ODAD2: variants seen among roughly 807,000 people sequenced by gnomAD.
ODAD2 encodes outer dynein arm docking complex subunit 2.
Under a neutral mutation model 106.8 loss-of-function variants are expected in ODAD2, and 89 were observed. That is an observed-to-expected ratio of 0.83 (90% confidence interval 0.70 to 0.99). ODAD2 has a LOEUF of 0.99. Among genes scored for constraint, ODAD2 ranks in the 50% least tolerant of loss-of-function variants. The pLI is 0.00. For synonymous variants in ODAD2, 404 were observed against 436.2 expected, an observed-to-expected ratio of 0.93 and a Z score of 0.92; for missense variants, 1,168 against 1,238.5, an observed-to-expected ratio of 0.94 and a Z score of 0.85.
intron 17 of ODAD2, among the ~76,000 whole-genome samples, chr10:27,869,816 T>C (rs1179228458): frequency 6.6e-6 from 1 of 152,104 alleles, no homozygotes; most frequent in Non-Finnish European, 1.5e-5. Flanking sequence ...ATTACAGGCA[T>C]GAGCCACCAT....
At chr10:27,989,033 T>C (rs1179363978) in intron 2 of ODAD2, among the ~76,000 whole-genome samples, 2 of 151,720 alleles carry the variant, frequency 1.3e-5, no homozygotes, top group African/African-American at 4.8e-5. Flanking sequence ...GAGTCATGAG[T>C]CAAGGAACAT....
Position 27,938,554 on chromosome 10 carries a change from A to G in ODAD2, c.2097+1343T>C, listed in dbSNP as rs529081248. Among the ~76,000 whole-genome samples, 5 of 151,676 alleles carry G rather than the reference A, an allele frequency of 3.3e-5. No homozygotes were observed. In the East Asian group the frequency reaches 7.8e-4, roughly 24 times the overall value. On this transcript the variant is annotated intron_variant, in intron 14 of 19. Coordinates refer to ENST00000305242, the MANE Select transcript of ODAD2 (RefSeq NM_018076.5). ...TTATGGCAGCCCTCCCTCACAACCT[A>G]ATACAATCCTCTACTGAAATGACTC...
At chr10:27,998,091 C>A (rs761174302) in intron 1 of ODAD2, among the ~76,000 whole-genome samples, 1 of 152,128 alleles carries the variant, frequency 6.6e-6, no homozygotes, top group African/African-American at 2.4e-5. Flanking sequence ...GTAATCACAT[C>A]GTTAACACTT....
In ODAD2 at chr10:27,836,439, C is replaced by T. The variant is rs191897454; in HGVS notation, c.3022-23814G>A. On this transcript the variant is annotated intron_variant, in intron 19 of 19. Transcript: ENST00000305242. Reference sequence around the variant, plus strand: ...AAAAAAGATTTATCAGTTTTCTAAACTTGATCAATGAGAGAGTTTGGGGAC... The same window carrying T: ...AAAAAAGATTTATCAGTTTTCTAAATTTGATCAATGAGAGAGTTTGGGGAC... Among the ~76,000 whole-genome samples, 164 of 152,240 alleles carry T rather than the reference C, an allele frequency of 1.1e-3. 3 individuals are homozygous for T. Among genetic ancestry groups the T allele is most frequent in the Non-Finnish European group, 1.2e-4 (8 of 68,026 alleles).
intron 9 of ODAD2, among the ~76,000 whole-genome samples, chr10:27,963,794 G>A (rs979347148): frequency 1.3e-4 from 18 of 136,740 alleles, no homozygotes; most frequent in South Asian, 5.1e-4. Flanking sequence ...ACCCTTTTTT[G>A]AAGTGAGTTT....
chr10:27,889,231 A>G (rs765615630), intron 17 of ODAD2, among the ~76,000 whole-genome samples: 4 of 152,206 alleles, frequency 2.6e-5, no homozygotes, highest in African/African-American at 4.8e-5. Flanking sequence ...AGTTGGACCC[A>G]ACCTTCTGAC....
At chr10:27,990,545 G>T (rs1850164472) in intron 2 of ODAD2, among the ~76,000 whole-genome samples, 1 of 152,180 alleles carries the variant, frequency 6.6e-6, no homozygotes, top group Non-Finnish European at 1.5e-5. Context: ...CTATAGCTAA[G>T]AAACTAGCAG....
chr10:27,881,149 A>G (rs1841679570), intron 17 of ODAD2, among the ~76,000 whole-genome samples: 1 of 152,210 alleles, frequency 6.6e-6, no homozygotes. Flanking sequence ...ATACAGCAAG[A>G]TGTCTGGTAT....
chr10:27,955,874 G>A (rs1051977470), intron 10 of ODAD2, among the ~76,000 whole-genome samples: 5 of 152,066 alleles, frequency 3.3e-5, no homozygotes, highest in African/African-American at 1.2e-4. Context: ...CTGCCAGGGA[G>A]GAGCTCTGGG....
At chr10:27,837,996 C>T (rs1158718225) in intron 19 of ODAD2, among the ~76,000 whole-genome samples, 1 of 151,560 alleles carries the variant, frequency 6.6e-6, no homozygotes, top group East Asian at 1.9e-4. Flanking sequence ...ACACAGAGAA[C>T]AAAGATCCTA....
At chr10:27,954,596 T>C (rs1847594031) in intron 10 of ODAD2, among the ~76,000 whole-genome samples, 1 of 152,250 alleles carries the variant, frequency 6.6e-6, no homozygotes, top group African/African-American at 2.4e-5. Flanking sequence ...TAAGTTGATG[T>C]GGTAGCATAG....
At chr10:27,822,766 T>C (rs768101717) in intron 19 of ODAD2, among the ~76,000 whole-genome samples, 2 of 152,184 alleles carry the variant, frequency 1.3e-5, no homozygotes, top group Non-Finnish European at 2.9e-5. Context: ...CTTGCCTTTA[T>C]TGGTGTCTGT....
At chr10:27,998,462 A>G (rs1850686448) in intron 1 of ODAD2, among the ~76,000 whole-genome samples, 1 of 152,140 alleles carries the variant, frequency 6.6e-6, no homozygotes, top group Admixed American at 6.5e-5. Flanking sequence ...CAAAGGGCGG[A>G]GGAGAAAGAC....
At chr10:27,872,285 A>G (rs1840957218) in intron 17 of ODAD2, among the ~76,000 whole-genome samples, 1 of 152,214 alleles carries the variant, frequency 6.6e-6, no homozygotes, top group Non-Finnish European at 1.5e-5. Context: ...TAGATACACA[A>G]TCATGTCATC....
chr10:27,957,171 C>T (rs991780295), intron 10 of ODAD2: 4 of 152,174 alleles, frequency 2.6e-5, no homozygotes, highest in African/African-American at 9.7e-5. Context: ...TCAGCAAATA[C>T]AGCAATCAAC....
chr10:27,865,235 GAA>G, intron 17 of ODAD2, among the ~76,000 whole-genome samples: 1 of 152,126 alleles, frequency 6.6e-6, no homozygotes, highest in Non-Finnish European at 1.5e-5. Context: ...CTAATAATAA[GAA>G]CCCTGGCACT....
intron 19 of ODAD2, among the ~76,000 whole-genome samples, chr10:27,824,138 CAAAAAAAAAAAAAAAAAA>C (rs71388934): frequency 3.0e-5 from 1 of 33,128 alleles, no homozygotes; most frequent in Non-Finnish European, 5.1e-5. Flanking sequence ...GACTCCGTCT[CAAAAAAAAAAAAAAAAAA>C]AAAAAAAAAA....
intron 19 of ODAD2, among the ~76,000 whole-genome samples, chr10:27,827,756 G>C (rs1484357036): frequency 6.6e-6 from 1 of 151,974 alleles, no homozygotes; most frequent in Non-Finnish European, 1.5e-5. Flanking sequence ...ACTTCTAAAG[G>C]GTCAATAGGA....
chr10:27,920,315 T>C (rs1184866176), intron 16 of ODAD2, among the ~76,000 whole-genome samples: 1 of 152,202 alleles, frequency 6.6e-6, no homozygotes, highest in African/African-American at 2.4e-5. Flanking sequence ...AGGCTTTTTA[T>C]TTTATTGTGA....
Sources: allele counts gnomAD v4.1 joint callset (sites outside exome capture counted in the v4.1 genomes callset), GRCh38; gene constraint gnomAD v4.1.1; transcripts MANE v1.5; gene names NCBI Gene and HGNC (gene_info 2026-07-23, HGNC 2026-07-21).